SLC15A1: variants seen among roughly 807,000 people sequenced by gnomAD.
The protein encoded by SLC15A1 is solute carrier family 15 member 1.
In SLC15A1, 83 loss-of-function variants were observed where a neutral mutation model predicts 92.9. The observed-to-expected ratio is 0.89, with a 90% CI of 0.75 to 1.07. SLC15A1 has a LOEUF of 1.07. SLC15A1 is among the 50% of genes least tolerant of loss of function. SLC15A1 has a pLI of 0.00. For missense variants in SLC15A1, 857 were observed against 880.1 expected (o/e 0.97, Z 0.33); for synonymous variants, 322 against 318.2 (o/e 1.01, Z -0.13).
At chr13:98,700,087 CT>C (rs1158700819) in intron 18 of SLC15A1, among the ~76,000 whole-genome samples, 1 of 152,148 alleles carries the variant, frequency 6.6e-6, no homozygotes, top group Non-Finnish European at 1.5e-5. Context: ...GATACAAGTT[CT>C]TTGTCAAATA....
intron 1 of SLC15A1, among the ~76,000 whole-genome samples, chr13:98,748,740 C>T (rs150647473): frequency 2.6e-5 from 4 of 152,268 alleles, no homozygotes; most frequent in African/African-American, 9.6e-5. Context: ...AATTTTAGGG[C>T]ACAGTGGCAA....
At chr13:98,742,464 G>C (rs184287006) in intron 1 of SLC15A1, among the ~76,000 whole-genome samples, 18 of 152,312 alleles carry the variant, frequency 1.2e-4, no homozygotes, top group Admixed American at 3.3e-4. Context: ...CCAGCCTGGG[G>C]ACAGCTCCTG....
intron 9 of SLC15A1, among the ~76,000 whole-genome samples, chr13:98,714,192 T>A (rs1222869753): frequency 6.6e-6 from 1 of 152,190 alleles, no homozygotes; most frequent in African/African-American, 2.4e-5. Flanking sequence ...AATGACTTGT[T>A]AAGGAAGGAC....
chr13:98,748,818 G>C (rs1268350078), intron 1 of SLC15A1, among the ~76,000 whole-genome samples: 6 of 152,128 alleles, frequency 3.9e-5, no homozygotes, highest in Non-Finnish European at 8.8e-5. Flanking sequence ...TTCTCAAAGC[G>C]TGGGCCTGGG....
intron 15 of SLC15A1, among the ~76,000 whole-genome samples, chr13:98,707,910 A>G (rs1288063145): frequency 1.8e-5 from 2 of 113,916 alleles, no homozygotes; most frequent in Non-Finnish European, 2.1e-5. Context: ...AAAAAAAAAA[A>G]AAAAAAAAAA....
intron 1 of SLC15A1, among the ~76,000 whole-genome samples, chr13:98,749,047 C>CT (rs1247309195): frequency 2.0e-5 from 3 of 152,202 alleles, no homozygotes; most frequent in African/African-American, 7.2e-5. Flanking sequence ...TTGCTGCTGG[C>CT]TAGGAGGAGG....
At chr13:98,698,916 G>A (rs1443996826) in intron 18 of SLC15A1, among the ~76,000 whole-genome samples, 7 of 152,122 alleles carry the variant, frequency 4.6e-5, no homozygotes, top group South Asian at 2.1e-4. Context: ...GGGGTTGAAC[G>A]TTGAGGTGAA....
intron 17 of SLC15A1, among the ~76,000 whole-genome samples, chr13:98,703,552 T>C (rs2088087475): frequency 2.0e-5 from 1 of 49,008 alleles, no homozygotes; most frequent in Non-Finnish European, 8.3e-5. Flanking sequence ...TTTTTTTTTT[T>C]TTTTTTTTTT....
At position 98,712,406 on chromosome 13, in the gene SLC15A1, A is replaced by AT. The variant is rs1248039157; in HGVS notation, c.810+91dup. 8.1e-6 allele frequency: 8 copies of AT among 986,652 alleles called. No individual in the cohort carries two copies. In the Admixed American group the frequency reaches 1.5e-4, roughly 19 times the overall value. 61.1% of individuals were successfully genotyped at this position (986,652 alleles called of 1,614,324 possible). On this transcript the variant is annotated intron_variant, in intron 10 of 22. Transcript: ENST00000376503. ...AAAGGTTAGGAAGGTATCACTGACC[A>AT]TTTTGTCCATGTAACCTTAATCTGA... is the stretch of plus-strand genomic sequence containing the variant.
At chr13:98,750,122 T>C (rs2088530733) in intron 1 of SLC15A1, among the ~76,000 whole-genome samples, 1 of 152,156 alleles carries the variant, frequency 6.6e-6, no homozygotes, top group Non-Finnish European at 1.5e-5. Flanking sequence ...CAACATTTTT[T>C]TTTTTTTGAG....
At chr13:98,703,539 CTT>C (rs771426478) in intron 17 of SLC15A1, among the ~76,000 whole-genome samples, 109 of 85,320 alleles carry the variant, frequency 1.3e-3, no homozygotes, top group African/African-American at 1.6e-3. Context: ...GCTGCTGCTG[CTT>C]TTTTTTTTTT....
chr13:98,735,946 C>G (rs897375926), intron 1 of SLC15A1, among the ~76,000 whole-genome samples: 4 of 152,156 alleles, frequency 2.6e-5, no homozygotes, highest in African/African-American at 9.7e-5. Flanking sequence ...AATGCCATCC[C>G]CATCAAGCTA....
intron 1 of SLC15A1, among the ~76,000 whole-genome samples, chr13:98,749,227 C>T (rs1003799857): frequency 1.3e-5 from 2 of 152,168 alleles, no homozygotes; most frequent in East Asian, 1.9e-4. Flanking sequence ...TGTGAGGGAC[C>T]TTCACAGCCC....
intron 1 of SLC15A1, among the ~76,000 whole-genome samples, chr13:98,738,656 G>A (rs1477729953): frequency 6.6e-6 from 1 of 152,252 alleles, no homozygotes; most frequent in Non-Finnish European, 1.5e-5. Context: ...GGAGGCTTGG[G>A]AGTCTCTGCA....
At chr13:98,725,263 C>CT (rs1470260102) in intron 4 of SLC15A1, among the ~76,000 whole-genome samples, 1 of 152,156 alleles carries the variant, frequency 6.6e-6, no homozygotes, top group African/African-American at 2.4e-5. Flanking sequence ...TCAGGTATTC[C>CT]TTTATAGCAA....
intron 1 of SLC15A1, among the ~76,000 whole-genome samples, chr13:98,732,694 G>A (rs1237918295): frequency 6.6e-6 from 1 of 152,204 alleles, no homozygotes; most frequent in Non-Finnish European, 1.5e-5. Flanking sequence ...GACTTCGGAA[G>A]TTGGAAGGAA....
Position 98,684,654 on chromosome 13 carries a change from G to T in SLC15A1, c.*70C>A. On this transcript the variant is annotated 3_prime_UTR_variant, in exon 23 of 23. Coordinates refer to ENST00000376503, the MANE Select transcript of SLC15A1 (RefSeq NM_005073.4). ...CTCATCAGGGGCCATCCAATGGAGT[G>T]TCCTGCTACCTGGGGGCAGAGGTCA... The T allele has an allele frequency of 7.8e-7, 1 of 1,279,842 alleles. No homozygotes were observed. The highest frequency in any genetic ancestry group is 1.1e-6 in the Non-Finnish European group (1 of 889,978). The allele number at this position is 1,279,842 out of a possible 1,614,324, so 79.3% of individuals were successfully genotyped here.
At chr13:98,732,094 A>G (rs2088354986) in intron 1 of SLC15A1, among the ~76,000 whole-genome samples, 1 of 152,270 alleles carries the variant, frequency 6.6e-6, no homozygotes, top group South Asian at 2.1e-4. Flanking sequence ...GCTCAAATGC[A>G]GAAGTGGTGT....
Position 98,700,244 on chromosome 13 carries a change from C to T in SLC15A1, c.1466+2236G>A, listed in dbSNP as rs543852993. Among the ~76,000 whole-genome samples, 366 of 151,936 alleles carry T rather than the reference C, an allele frequency of 2.4e-3. 1 individual carries two copies. The highest frequency in any genetic ancestry group is 3.8e-3 in the Non-Finnish European group (255 of 67,974). On this transcript the variant is annotated intron_variant, in intron 18 of 22. Transcript: ENST00000376503. ...GCTCATGCCTGTAATCCCAGCAATT[C>T]GGGAGTCTGGGGTGGGAGGATTGCT...
Sources: allele counts gnomAD v4.1 joint callset (sites outside exome capture counted in the v4.1 genomes callset), GRCh38; gene constraint gnomAD v4.1.1; transcripts MANE v1.5; gene names NCBI Gene and HGNC (gene_info 2026-07-23, HGNC 2026-07-21).